The following MACROD2 variants were observed in gnomAD, a reference collection of about 807,000 sequenced individuals.
MACROD2 encodes the protein mono-ADP ribosylhydrolase 2.
MACROD2 carries 36 observed loss-of-function variants against 70.4 expected under a neutral mutation model. The ratio of observed to expected loss-of-function variants is 0.51; its 90% CI spans 0.39 to 0.68. MACROD2 has a LOEUF of 0.68. Among genes scored for constraint, MACROD2 ranks in the 30% least tolerant of loss-of-function variants. The pLI, the probability that MACROD2 is intolerant of heterozygous loss-of-function variation, is 0.00. For synonymous variants in MACROD2, 172 were observed against 178.8 expected (o/e 0.96, Z 0.30); for missense variants, 496 against 538.4 (o/e 0.92, Z 0.78).
chr20:15,431,862 T>C (rs2046367639), intron 7 of MACROD2, among the ~76,000 whole-genome samples: 1 of 152,060 alleles, frequency 6.6e-6, no homozygotes, highest in African/African-American at 2.4e-5. Flanking sequence ...GTTTTCAAAT[T>C]TTAAAAAAGT....
chr20:15,323,148 G>A (rs1289081556), intron 6 of MACROD2, among the ~76,000 whole-genome samples: 1 of 152,140 alleles, frequency 6.6e-6, no homozygotes, highest in Non-Finnish European at 1.5e-5. Context: ...GCACGAGGGG[G>A]CAGTAATTGG....
intron 8 of MACROD2, among the ~76,000 whole-genome samples, chr20:15,605,087 T>C (rs998869017): frequency 6.6e-6 from 1 of 152,158 alleles, no homozygotes; most frequent in Non-Finnish European, 1.5e-5. Flanking sequence ...AAAGCATATG[T>C]TGAATGATTT....
chr20:14,727,902 T>C (rs996536448), intron 5 of MACROD2, among the ~76,000 whole-genome samples: 1 of 152,202 alleles, frequency 6.6e-6, no homozygotes, highest in Non-Finnish European at 1.5e-5. Context: ...TTAGTGACTA[T>C]TTTAAATCCT....
chr20:15,029,110 A>G (rs1449154389), intron 5 of MACROD2, among the ~76,000 whole-genome samples: 1 of 152,190 alleles, frequency 6.6e-6, no homozygotes, highest in Non-Finnish European at 1.5e-5. Context: ...AAAACTGCAC[A>G]CATCCAGGGA....
chr20:14,742,823 G>C (rs867889497), intron 5 of MACROD2, among the ~76,000 whole-genome samples: 2 of 151,118 alleles, frequency 1.3e-5, no homozygotes, highest in Middle Eastern at 3.4e-3. Context: ...CTGGAGTGCA[G>C]TGACGGGATC....
chr20:14,507,771 A>G (rs2084985531), intron 4 of MACROD2, among the ~76,000 whole-genome samples: 1 of 152,178 alleles, frequency 6.6e-6, no homozygotes. Flanking sequence ...ATGGTGGCCC[A>G]TGTCCGTGAT....
chr20:15,769,988 G>GC (rs530276151), intron 8 of MACROD2, among the ~76,000 whole-genome samples: 19 of 151,302 alleles, frequency 1.3e-4, no homozygotes, highest in East Asian at 7.7e-4. Flanking sequence ...GTGTGAGTGC[G>GC]CCCCCCCACA....
chr20:15,815,518 G>A (rs1191358804), intron 8 of MACROD2, among the ~76,000 whole-genome samples: 1 of 151,920 alleles, frequency 6.6e-6, no homozygotes, highest in Non-Finnish European at 1.5e-5. Flanking sequence ...CCCAATCTCA[G>A]TCTCCCTTGG....
At chr20:14,567,957 T>A (rs1979918267) in intron 4 of MACROD2, among the ~76,000 whole-genome samples, 1 of 152,070 alleles carries the variant, frequency 6.6e-6, no homozygotes. Flanking sequence ...ACATTATTTC[T>A]CATTCTCCTA....
chr20:16,052,024 G>A lies in MACROD2; in HGVS notation c.*2148G>A, dbSNP rs1454671228. ...GTGGGTGGGCTAGAAGTGGAAGGAG[G>A]GAATTCTCTCTGCCTAAAAATTCTA... On this transcript the variant is annotated 3_prime_UTR_variant, in exon 18 of 18. Coordinates refer to ENST00000684519, the MANE Select transcript of MACROD2 (RefSeq NM_001351661.2). The A allele has an allele frequency of 6.6e-6, 1 of 152,084 alleles. No homozygotes were observed. The highest frequency in any genetic ancestry group is 6.6e-5 in the Admixed American group (1 of 15,258). The allele number at this position is 152,084 out of a possible 1,614,324, so 9.4% of individuals were successfully genotyped here.
intron 3 of MACROD2, among the ~76,000 whole-genome samples, chr20:14,207,654 T>A (rs950961206): frequency 3.3e-5 from 5 of 152,216 alleles, no homozygotes; most frequent in Non-Finnish European, 7.3e-5. Context: ...TATTCGGTTA[T>A]GAGGCAGAAA....
At chr20:15,505,772 A>G (rs2146501952) in intron 8 of MACROD2, among the ~76,000 whole-genome samples, 1 of 152,248 alleles carries the variant, frequency 6.6e-6, no homozygotes, top group South Asian at 2.1e-4. Context: ...GAAAAACCCC[A>G]GCTCTGCATT....
At chr20:15,781,968 A>G (rs907691839) in intron 8 of MACROD2, among the ~76,000 whole-genome samples, 1 of 152,148 alleles carries the variant, frequency 6.6e-6, no homozygotes, top group Non-Finnish European at 1.5e-5. Context: ...CTAAAGAGAT[A>G]GATTACAGAG....
chr20:14,443,543 C>T (rs963099773), intron 3 of MACROD2, among the ~76,000 whole-genome samples: 7 of 151,950 alleles, frequency 4.6e-5, no homozygotes, highest in African/African-American at 9.7e-5. Context: ...GTGATCTGCC[C>T]GCCTCGGCCT....
intron 6 of MACROD2, among the ~76,000 whole-genome samples, chr20:15,387,664 C>G (rs1013769724): frequency 3.9e-5 from 6 of 151,962 alleles, no homozygotes; most frequent in Non-Finnish European, 8.8e-5. Context: ...ACACCCCACA[C>G]TCAGACCTTA....
intron 4 of MACROD2, among the ~76,000 whole-genome samples, chr20:14,631,079 G>A (rs749577538): frequency 3.3e-5 from 5 of 152,110 alleles, no homozygotes; most frequent in Non-Finnish European, 7.4e-5. Flanking sequence ...ATATGGAATC[G>A]TTAAATGAAA....
rs7272305 is a variant in MACROD2, at chr20:14,303,677, A to C, written c.272-189802A>C. Among the ~76,000 whole-genome samples the C allele has an allele frequency of 2.5e-3, 378 of 152,234 alleles. 3 individuals are homozygous for C. Among genetic ancestry groups the C allele is most frequent in the Middle Eastern group, 0.01 (3 of 294 alleles). On this transcript the variant is annotated intron_variant, in intron 3 of 17. Coordinates refer to ENST00000684519, the MANE Select transcript of MACROD2 (RefSeq NM_001351661.2). ...ATATGCATCAGATTTGTGCCTTTTT[A>C]AGTTTTATAGTCTTCCAGTTCTGCA...
chr20:14,137,191 G>T (rs912244179), intron 3 of MACROD2, among the ~76,000 whole-genome samples: 4 of 152,076 alleles, frequency 2.6e-5, no homozygotes, highest in African/African-American at 9.7e-5. Context: ...GCTTACTGTT[G>T]ACCTCCAGCC....
At chr20:14,155,850 AGT>A (rs1416227244) in intron 3 of MACROD2, among the ~76,000 whole-genome samples, 89 of 152,324 alleles carry the variant, frequency 5.8e-4, no homozygotes, top group African/African-American at 2.0e-3. Flanking sequence ...TATAAATATC[AGT>A]TTTTAATTTA....
Sources: gnomAD v4.1 joint callset for allele counts (sites outside exome capture counted in the v4.1 genomes callset) on GRCh38, gnomAD v4.1.1 for gene constraint, MANE v1.5 for transcripts, NCBI Gene and HGNC (gene_info 2026-07-23, HGNC 2026-07-21) for gene names.